The following XPO7 variants were observed in gnomAD, a reference collection of about 807,000 sequenced individuals.
XPO7 encodes the protein exportin 7.
Under a neutral mutation model 144.3 loss-of-function variants are expected in XPO7, and 21 were observed. That is an observed-to-expected ratio of 0.15 (90% CI 0.10 to 0.21). The LOEUF (loss-of-function observed/expected upper bound fraction) is 0.21, where lower values mean the gene tolerates loss of function less well. XPO7 is among the 10% of genes least tolerant of loss of function. The pLI is 1.00. For missense variants in XPO7, 808 were observed against 1,325.8 expected (o/e 0.61, Z 6.06); for synonymous variants, 580 against 499.6 (o/e 1.16, Z -2.15).
intron 8 of XPO7, 30 bp from the exon 9 acceptor site, chr8:21,980,054 C>T (rs1812353946): frequency 2.0e-6 from 3 of 1,533,828 alleles, no homozygotes; most frequent in Admixed American, 2.1e-5. Flanking sequence ...TCTTTTTAAT[C>T]GTTGTGTTTG....
intron 1 of XPO7, among the ~76,000 whole-genome samples, chr8:21,921,817 G>T (rs1307234796): frequency 6.6e-6 from 1 of 152,176 alleles, no homozygotes. Context: ...TATCAACGGG[G>T]TAAGTTTGTG....
At chr8:21,965,075 G>A (rs1225074486) in intron 1 of XPO7, among the ~76,000 whole-genome samples, 5 of 151,790 alleles carry the variant, frequency 3.3e-5, no homozygotes, top group African/African-American at 9.7e-5. Flanking sequence ...AGCAGCTTAC[G>A]TTTTAGTTAA....
chr8:21,919,965 G>A (rs4357289), intron 1 of XPO7, among the ~76,000 whole-genome samples, 177 bp downstream of exon 1: 54,264 of 151,226 alleles, frequency 0.36, 10,290 homozygotes, highest in Non-Finnish European at 0.42. Flanking sequence ...CGCCTCCCGG[G>A]CCGGGGGCCT....
chr8:21,946,946 A>G (rs906346607), intron 1 of XPO7, among the ~76,000 whole-genome samples: 7 of 152,230 alleles, frequency 4.6e-5, no homozygotes, highest in African/African-American at 1.4e-4. Flanking sequence ...CAACAAAATT[A>G]TCTTTCAAGA....
At chr8:21,981,478 A>G (rs753543721) in intron 9 of XPO7, among the ~76,000 whole-genome samples, 1 of 152,168 alleles carries the variant, frequency 6.6e-6, no homozygotes, top group Non-Finnish European at 1.5e-5. Context: ...CTGTCCATTG[A>G]GGCTAATAAT....
At chr8:21,942,746 C>G (rs545024147) in intron 1 of XPO7, among the ~76,000 whole-genome samples, 3 of 152,322 alleles carry the variant, frequency 2.0e-5, no homozygotes, top group African/African-American at 7.2e-5. Flanking sequence ...CATGAAAACC[C>G]TTTGGTATGC....
At chr8:21,981,369 A>T (rs941116104) in intron 9 of XPO7, among the ~76,000 whole-genome samples, 1 of 152,222 alleles carries the variant, frequency 6.6e-6, no homozygotes, top group African/African-American at 2.4e-5. Context: ...GATTGGTAAC[A>T]ATAAGAAAAC....
At chr8:21,973,300 T>C (rs1563327559) in intron 5 of XPO7, among the ~76,000 whole-genome samples, 1 of 152,254 alleles carries the variant, frequency 6.6e-6, no homozygotes, top group Non-Finnish European at 1.5e-5. Flanking sequence ...AATTTTGATA[T>C]ATGTATAATA....
At chr8:21,988,914 T>G in intron 15 of XPO7, 89 bp from the exon 16 acceptor site, 1 of 1,231,612 alleles carries the variant, frequency 8.1e-7, no homozygotes, top group South Asian at 1.4e-5. Flanking sequence ...TGGTGACTTT[T>G]GATGAATGAC....
At chr8:21,921,682 G>A (rs916589525) in intron 1 of XPO7, 2 of 152,070 alleles carry the variant, frequency 1.3e-5, no homozygotes, top group South Asian at 4.1e-4. Flanking sequence ...AAAAATCTAC[G>A]GAAGTAAGAA....
intron 8 of XPO7, among the ~76,000 whole-genome samples, chr8:21,979,066 G>GT (rs952318996): frequency 6.6e-6 from 1 of 152,164 alleles, no homozygotes; most frequent in Admixed American, 6.5e-5. Context: ...GCTGGGTTGT[G>GT]TTTTTTTGTT....
chr8:21,997,669 G>C (rs912922381), intron 21 of XPO7, among the ~76,000 whole-genome samples: 3 of 152,138 alleles, frequency 2.0e-5, no homozygotes, highest in Non-Finnish European at 4.4e-5. Flanking sequence ...TCATTGCTGT[G>C]GGAAGCCGCT....
At chr8:21,995,427 A>G (rs1812913752) in intron 20 of XPO7, 65 bp from the exon 21 acceptor site, 5 of 1,458,106 alleles carry the variant, frequency 3.4e-6, no homozygotes, top group Non-Finnish European at 3.7e-6. Context: ...GCTAGTGCTG[A>G]AAAACTATTT....
At chr8:21,973,218 A>T (rs1176261741) in intron 5 of XPO7, among the ~76,000 whole-genome samples, 2 of 152,232 alleles carry the variant, frequency 1.3e-5, no homozygotes, top group African/African-American at 4.8e-5. Context: ...AGAAGAGCAG[A>T]TGCATTAACT....
At chr8:21,959,766 T>G (rs1199983582) in intron 1 of XPO7, among the ~76,000 whole-genome samples, 1 of 152,206 alleles carries the variant, frequency 6.6e-6, no homozygotes, top group African/African-American at 2.4e-5. Flanking sequence ...TCAAAGAATC[T>G]TAGAACTGGA....
chr8:21,944,395 C>A (rs1585427797), intron 1 of XPO7, among the ~76,000 whole-genome samples: 1 of 152,040 alleles, frequency 6.6e-6, no homozygotes, highest in Non-Finnish European at 1.5e-5. Flanking sequence ...TGGTGAAACC[C>A]CATGTCTACT....
intron 21 of XPO7, among the ~76,000 whole-genome samples, chr8:21,996,076 A>G (rs1382245718): frequency 2.0e-5 from 3 of 152,160 alleles, no homozygotes; most frequent in Non-Finnish European, 2.9e-5. Context: ...CGGCCTCCCA[A>G]AGTGCTGGGA....
intron 6 of XPO7, 40 bp from the exon 7 acceptor site, chr8:21,976,315 AG>A (rs756465378): frequency 3.1e-6 from 5 of 1,597,612 alleles, no homozygotes; most frequent in Non-Finnish European, 4.3e-6. Context: ...CTGGGAAGAG[AG>A]GAGTGATTTT....
chr8:21,982,594 G>C (rs375838172), intron 10 of XPO7, 46 bp from the exon 11 acceptor site: 2 of 1,531,074 alleles, frequency 1.3e-6, no homozygotes, highest in South Asian at 1.3e-5. Context: ...GGACTAACAC[G>C]TACAGAAATG....
Sources: allele counts gnomAD v4.1 joint callset (sites outside exome capture counted in the v4.1 genomes callset), GRCh38; gene constraint gnomAD v4.1.1; transcripts MANE v1.5; gene names NCBI Gene and HGNC (gene_info 2026-07-23, HGNC 2026-07-21).